Variants in ZNF385D observed in about 807,000 individuals in gnomAD.
ZNF385D encodes zinc finger protein 659.
Under a neutral mutation model 35.8 loss-of-function variants are expected in ZNF385D, and 15 were observed. The ratio of observed to expected loss-of-function variants is 0.42; its 90% CI spans 0.28 to 0.64. ZNF385D has a LOEUF of 0.64. Ranked by LOEUF, ZNF385D falls within the 30% of genes least tolerant of loss-of-function variation. The pLI is 0.23. For missense variants in ZNF385D, 474 were observed against 494.6 expected, an observed-to-expected ratio of 0.96 and a Z score of 0.39; for synonymous variants, 212 against 186.8, an observed-to-expected ratio of 1.13 and a Z score of -1.10.
chr3:22,189,174 T>C (rs1695850733), intron 2 of ZNF385D, among the ~76,000 whole-genome samples: 2 of 152,176 alleles, frequency 1.3e-5, no homozygotes, highest in African/African-American at 4.8e-5. Flanking sequence ...CCCAAGGTCA[T>C]CCCTGACTTC....
intron 2 of ZNF385D, among the ~76,000 whole-genome samples, chr3:22,206,557 AAAAG>A (rs962665929): frequency 4.6e-5 from 7 of 151,966 alleles, no homozygotes; most frequent in African/African-American, 1.2e-4. Context: ...ATCCAGAAAA[AAAAG>A]AAAGAATTTC....
At chr3:21,740,088 G>A (rs894668312) in intron 1 of ZNF385D, among the ~76,000 whole-genome samples, 3 of 152,076 alleles carry the variant, frequency 2.0e-5, no homozygotes, top group South Asian at 2.1e-4. Flanking sequence ...GTTTTGACAC[G>A]GGAAGTCCAA....
chr3:22,127,536 C>A (rs542299032), intron 3 of ZNF385D, among the ~76,000 whole-genome samples: 10 of 151,824 alleles, frequency 6.6e-5, no homozygotes, highest in Non-Finnish European at 1.2e-4. Flanking sequence ...GATGGGGTTT[C>A]ACCATGTTGT....
chr3:22,158,041 G>A (rs949114019), intron 3 of ZNF385D, among the ~76,000 whole-genome samples: 2 of 152,078 alleles, frequency 1.3e-5, no homozygotes, highest in Non-Finnish European at 1.5e-5. Flanking sequence ...AGATGAAAGA[G>A]GGAATTACAG....
intron 3 of ZNF385D, among the ~76,000 whole-genome samples, chr3:21,941,083 C>T (rs1376117440): frequency 2.0e-5 from 3 of 152,124 alleles, no homozygotes; most frequent in African/African-American, 7.2e-5. Flanking sequence ...AAAGATGACA[C>T]AATTTAACAC....
chr3:21,869,649 A>G (rs1016831979), intron 3 of ZNF385D, among the ~76,000 whole-genome samples: 10 of 152,284 alleles, frequency 6.6e-5, no homozygotes, highest in African/African-American at 2.4e-4. Context: ...GAACTCTAAG[A>G]GAAAAAATAG....
In ZNF385D at chr3:21,916,608, C is replaced by T. The variant is rs115054599; in HGVS notation, c.326-251580G>A. ...AAATTTTTCTAGTATAGCCTATAAG[C>T]GAAGTGCTTTGTAACTGTATTTTTA... On this transcript the variant is annotated intron_variant, in intron 3 of 5. Coordinates refer to the ZNF385D transcript ENST00000494108. Among the ~76,000 whole-genome samples, 576 of 152,218 alleles carry T rather than the reference C, an allele frequency of 3.8e-3. 5 individuals are homozygous for T. Among genetic ancestry groups the T allele is most frequent in the Middle Eastern group, 6.8e-3 (2 of 292 alleles).
intron 2 of ZNF385D, among the ~76,000 whole-genome samples, chr3:21,595,753 A>G (rs2064111552): frequency 6.6e-6 from 1 of 152,208 alleles, no homozygotes. Context: ...ATTTTTGAAC[A>G]GCAGAAATAA....
chr3:21,547,925 A>G (rs1195371432), intron 3 of ZNF385D, among the ~76,000 whole-genome samples: 1 of 152,056 alleles, frequency 6.6e-6, no homozygotes, highest in Non-Finnish European at 1.5e-5. Flanking sequence ...GTACTTCTTT[A>G]GATGGAGGAA....
intron 3 of ZNF385D, among the ~76,000 whole-genome samples, chr3:21,967,288 A>G (rs1192014735): frequency 6.6e-6 from 1 of 152,182 alleles, no homozygotes; most frequent in Non-Finnish European, 1.5e-5. Flanking sequence ...ATAATTAAGA[A>G]AATTTTTTCC....
At chr3:22,202,816 T>C (rs921269891) in intron 2 of ZNF385D, among the ~76,000 whole-genome samples, 9 of 152,076 alleles carry the variant, frequency 5.9e-5, no homozygotes, top group African/African-American at 1.9e-4. Flanking sequence ...GCAGAGCTCA[T>C]CTGGTGCCTA....
intron 3 of ZNF385D, among the ~76,000 whole-genome samples, chr3:21,807,954 A>G (rs1384582496): frequency 1.3e-5 from 2 of 152,210 alleles, no homozygotes; most frequent in Non-Finnish European, 2.9e-5. Context: ...GCATTGTCTC[A>G]ATAATTCAGA....
chr3:21,416,124 G>A lies in ZNF385D; in HGVS notation c.*5090C>T. On this transcript the variant is annotated 3_prime_UTR_variant, in exon 8 of 8. Coordinates refer to ENST00000281523, the MANE Select transcript of ZNF385D (RefSeq NM_024697.3). The stretch of plus-strand genomic sequence containing the variant: ...CGGCTCACTGCAAGCTCCGCTTCCC[G>A]GGTTCACGCCATTCTCCTGCCTCAG... 6.3e-5 allele frequency: 1 copy of A among 15,878 alleles called. No homozygotes were observed. The highest frequency in any genetic ancestry group is 1.5e-3 in the South Asian group (1 of 670). 1.0% of individuals were successfully genotyped at this position (15,878 alleles called of 1,614,324 possible).
At chr3:22,176,660 G>T (rs965415312) in intron 2 of ZNF385D, among the ~76,000 whole-genome samples, 5 of 152,136 alleles carry the variant, frequency 3.3e-5, no homozygotes, top group African/African-American at 4.8e-5. Context: ...ACTTTTAAAT[G>T]CATTCCTTTC....
chr3:21,824,309 G>C (rs2125743542), intron 3 of ZNF385D, among the ~76,000 whole-genome samples: 1 of 152,116 alleles, frequency 6.6e-6, no homozygotes, highest in South Asian at 2.1e-4. Flanking sequence ...ATGTAGTAAT[G>C]GTGCTTTTTA....
At chr3:21,636,385 TATATATATATATATATATATATATATATA>T (rs2065441744) in intron 2 of ZNF385D, among the ~76,000 whole-genome samples, 1 of 28,300 alleles carries the variant, frequency 3.5e-5, no homozygotes, top group African/African-American at 1.5e-4. Flanking sequence ...TGATTATATA[TATATATATATATATATATATATATATATA>T]GAGTTTCTTA....
At chr3:22,275,305 T>C (rs1701372325) in intron 2 of ZNF385D, among the ~76,000 whole-genome samples, 1 of 152,234 alleles carries the variant, frequency 6.6e-6, no homozygotes, top group South Asian at 2.1e-4. Flanking sequence ...AACTAGTCCC[T>C]TACTTCAGCC....
chr3:21,888,136 C>G (rs907880459), intron 3 of ZNF385D, among the ~76,000 whole-genome samples: 1 of 151,674 alleles, frequency 6.6e-6, no homozygotes, highest in Admixed American at 6.6e-5. Flanking sequence ...GTTAATTATT[C>G]CTCAATTGCT....
chr3:21,500,239 T>C (rs1292175576), intron 4 of ZNF385D, among the ~76,000 whole-genome samples: 2 of 152,216 alleles, frequency 1.3e-5, no homozygotes, highest in Non-Finnish European at 2.9e-5. Flanking sequence ...AAGTTGTTAC[T>C]ATGTACTTTG....
Sources: allele counts gnomAD v4.1 joint callset (sites outside exome capture counted in the v4.1 genomes callset), GRCh38; gene constraint gnomAD v4.1.1; transcripts MANE v1.5; gene names NCBI Gene and HGNC (gene_info 2026-07-23, HGNC 2026-07-21).